ABCA13: variants seen among roughly 807,000 people sequenced by gnomAD.
ABCA13 encodes ATP-binding cassette sub-family A member 13.
Under a neutral mutation model 478.7 loss-of-function variants are expected in ABCA13, and 476 were observed. That is an observed-to-expected ratio of 0.99 (90% CI 0.92 to 1.07). The LOEUF is 1.07. Among genes scored for constraint, ABCA13 ranks in the 50% least tolerant of loss-of-function variants. ABCA13 has a pLI of 0.00. For missense variants in ABCA13, 6,060 were observed against 5,910.6 expected, an observed-to-expected ratio of 1.03 and a Z score of -0.83; for synonymous variants, 2,252 against 2,158.9, an observed-to-expected ratio of 1.04 and a Z score of -1.20.
At chr7:48,546,976 A>G (rs971985298) in intron 55 of ABCA13, among the ~76,000 whole-genome samples, 4 of 151,824 alleles carry the variant, frequency 2.6e-5, no homozygotes, top group Admixed American at 2.0e-4. Flanking sequence ...TGACAATTTA[A>G]CAATACTAAC....
At position 48,278,891 on chromosome 7, in the gene ABCA13, T is replaced by C. The variant is rs781245398; in HGVS notation, c.7697T>C (p.Val2566Ala). ...DTLYSIMQQS[V>A]QNLVKEIATL... ...CTGTATTCCATCATGCAACAAAGTGTTCAAAATCTTGTGAAAGAAATAGCT... is the reference window on the plus strand; with the variant it reads ...CTGTATTCCATCATGCAACAAAGTGCTCAAAATCTTGTGAAAGAAATAGCT... Residue 2566 changes from valine (V) to alanine (A), a missense_variant, in exon 18 of 62, where the codon GTT becomes GCT. By Grantham distance (64) the Val-to-Ala change is moderately conservative (BLOSUM62 0). This residue lies in a region of ABCA13 where 4,423 missense variants were observed against 4,309.1 expected (regional missense o/e 1.03). Coordinates refer to ENST00000435803, the MANE Select transcript of ABCA13 (RefSeq NM_152701.5). The C allele has an allele frequency of 7.4e-6, 12 of 1,613,216 alleles. No homozygotes were observed. The Admixed American group carries it at 2.0e-4, about 27-fold the overall frequency.
At chr7:48,233,092 T>C (rs188086851) in intron 7 of ABCA13, among the ~76,000 whole-genome samples, 2 of 152,314 alleles carry the variant, frequency 1.3e-5, no homozygotes, top group East Asian at 3.9e-4. Context: ...AAAAATCTTG[T>C]ATTTCTGGGA....
rs1392977145 is a variant in ABCA13, at chr7:48,275,161, T to G, written c.5495T>G (p.Phe1832Cys). Residue 1832 changes from phenylalanine to cysteine, a missense_variant, in exon 17 of 62, where the codon TTT becomes TGT. Phe to Cys is a radical substitution (Grantham distance 205). This residue lies in a region of ABCA13 where 4,423 missense variants were observed against 4,309.1 expected (regional missense o/e 1.03). Coordinates refer to ENST00000435803, the MANE Select transcript of ABCA13 (RefSeq NM_152701.5). The part of the protein sequence containing the change: ...VWCWNHTNSG[F>C]RQNSKIDPCN... ...TGCTGGAATCACACAAATTCTGGATTTCGGCAGAATTCAAAGATAGACCCC... is the reference window on the plus strand; with the variant it reads ...TGCTGGAATCACACAAATTCTGGATGTCGGCAGAATTCAAAGATAGACCCC... The G allele has an allele frequency of 6.2e-7, 1 of 1,613,944 alleles. No homozygotes were observed. Among genetic ancestry groups the G allele is most frequent in the Non-Finnish European group, 8.5e-7 (1 of 1,179,866 alleles).
chr7:48,173,583 C>T (rs1233256001), intron 1 of ABCA13, among the ~76,000 whole-genome samples: 1 of 152,146 alleles, frequency 6.6e-6, no homozygotes, highest in Non-Finnish European at 1.5e-5. Flanking sequence ...GGGATATATC[C>T]TATAGATGTC....
chr7:48,525,397 G>C (rs1177563223), intron 54 of ABCA13, among the ~76,000 whole-genome samples: 1 of 152,076 alleles, frequency 6.6e-6, no homozygotes, highest in African/African-American at 2.4e-5. Flanking sequence ...TGAGGCAAAG[G>C]GGTGTGGGAG....
At chr7:48,568,289 T>G (rs542974391) in intron 55 of ABCA13, among the ~76,000 whole-genome samples, 1 of 152,254 alleles carries the variant, frequency 6.6e-6, no homozygotes, top group Admixed American at 6.5e-5. Flanking sequence ...TCCTTTTATC[T>G]CAAATTCTTT....
intron 40 of ABCA13, among the ~76,000 whole-genome samples, chr7:48,410,987 CT>C (rs1464944309): frequency 1.2e-5 from 1 of 82,256 alleles, no homozygotes; most frequent in African/African-American, 4.7e-5. Context: ...CTCTTTCTTT[CT>C]TTCTTTCTTT....
chr7:48,619,742 C>G (rs1450050049), intron 59 of ABCA13, among the ~76,000 whole-genome samples: 1 of 152,154 alleles, frequency 6.6e-6, no homozygotes, highest in Admixed American at 6.5e-5. Context: ...AGGAGGAAGA[C>G]ACATCCAGTT....
At chr7:48,364,855 G>A (rs985374649) in intron 31 of ABCA13, among the ~76,000 whole-genome samples, 2 of 152,066 alleles carry the variant, frequency 1.3e-5, no homozygotes, top group African/African-American at 4.8e-5. Flanking sequence ...TTGTGAATAA[G>A]TCTGCAATAA....
At chr7:48,599,026 A>G (rs1790592261) in intron 58 of ABCA13, among the ~76,000 whole-genome samples, 1 of 151,990 alleles carries the variant, frequency 6.6e-6, no homozygotes, top group Non-Finnish European at 1.5e-5. Flanking sequence ...ATTATTATCC[A>G]TTGATATGTA....
At chr7:48,569,542 T>G (rs1369628707) in intron 55 of ABCA13, among the ~76,000 whole-genome samples, 2 of 152,210 alleles carry the variant, frequency 1.3e-5, no homozygotes, top group Non-Finnish European at 2.9e-5. Flanking sequence ...TTGTTTGTTT[T>G]TTGATGGAGT....
intron 55 of ABCA13, among the ~76,000 whole-genome samples, chr7:48,528,930 C>A (rs933680036): frequency 6.6e-6 from 1 of 152,142 alleles, no homozygotes; most frequent in Non-Finnish European, 1.5e-5. Context: ...GCCAGATGAC[C>A]CCTGCAGGCT....
At chr7:48,366,634 G>A (rs1201853413) in intron 31 of ABCA13, among the ~76,000 whole-genome samples, 10 of 152,040 alleles carry the variant, frequency 6.6e-5, no homozygotes, top group Admixed American at 5.9e-4. Flanking sequence ...GAGGGTGTGC[G>A]CTCCATACAT....
intron 43 of ABCA13, among the ~76,000 whole-genome samples, chr7:48,461,159 C>A (rs1435273716): frequency 6.6e-6 from 1 of 152,144 alleles, no homozygotes; most frequent in African/African-American, 2.4e-5. Flanking sequence ...CCTAATATAT[C>A]ATCTGTGCTT....
intron 15 of ABCA13, among the ~76,000 whole-genome samples, chr7:48,257,990 C>T (rs777248712): frequency 6.6e-6 from 1 of 152,062 alleles, no homozygotes; most frequent in Non-Finnish European, 1.5e-5. Flanking sequence ...GTGATGCAGT[C>T]GAGGCTCACT....
At chr7:48,359,751 GACA>G (rs1375637324) in intron 31 of ABCA13, among the ~76,000 whole-genome samples, 2 of 152,120 alleles carry the variant, frequency 1.3e-5, no homozygotes, top group South Asian at 2.1e-4. Flanking sequence ...ACAAAAAACA[GACA>G]ACAACAGCAA....
intron 55 of ABCA13, among the ~76,000 whole-genome samples, chr7:48,578,021 A>C (rs1788356207): frequency 6.6e-6 from 1 of 152,156 alleles, no homozygotes; most frequent in African/African-American, 2.4e-5. Context: ...CACAAAAGCC[A>C]ACACTTATTC....
intron 23 of ABCA13, among the ~76,000 whole-genome samples, chr7:48,303,370 T>C (rs1289894908): frequency 2.0e-5 from 3 of 152,210 alleles, no homozygotes; most frequent in Non-Finnish European, 4.4e-5. Context: ...TTTGCTTTTC[T>C]TGAGTTTGCT....
intron 55 of ABCA13, among the ~76,000 whole-genome samples, chr7:48,548,163 TGTTA>T: frequency 6.6e-6 from 1 of 152,060 alleles, no homozygotes; most frequent in African/African-American, 2.4e-5. Flanking sequence ...TATTTTCATT[TGTTA>T]GTTTTCACTG....
Sources: gnomAD v4.1 joint callset for allele counts (sites outside exome capture counted in the v4.1 genomes callset) on GRCh38, gnomAD v4.1.1 for gene constraint, gnomAD v4.1.1 regional missense constraint, MANE v1.5 for transcripts, NCBI Gene and HGNC (gene_info 2026-07-23, HGNC 2026-07-21) for gene names.